The following ME3 variants were observed in gnomAD, a reference collection of about 807,000 sequenced individuals.
ME3 encodes malic enzyme 3.
A neutral mutation model predicts 68.9 loss-of-function variants in ME3; 48 were observed. The observed-to-expected ratio is 0.70, with a 90% CI of 0.55 to 0.89. ME3 has a LOEUF of 0.89. Ranked by LOEUF, ME3 falls within the 40% of genes least tolerant of loss-of-function variation. ME3 has a pLI of 0.00. For synonymous variants in ME3, 320 were observed against 318.8 expected (o/e 1.00, Z -0.04); for missense variants, 675 against 797.4 (o/e 0.85, Z 1.85).
At chr11:86,667,623 T>C (rs1406216222) in intron 2 of ME3, 3 of 152,190 alleles carry the variant, frequency 2.0e-5, no homozygotes, top group Non-Finnish European at 4.4e-5. Flanking sequence ...TGGTCTAGTG[T>C]GGAAGGCAAA....
chr11:86,584,953 C>T (rs1958646401), intron 2 of ME3, among the ~76,000 whole-genome samples: 1 of 152,040 alleles, frequency 6.6e-6, no homozygotes, highest in Non-Finnish European at 1.5e-5. Flanking sequence ...AATGTTCTCA[C>T]CACAGTGAAA....
chr11:86,628,432 C>A (rs927715790), intron 2 of ME3, among the ~76,000 whole-genome samples: 2 of 152,210 alleles, frequency 1.3e-5, no homozygotes, highest in Non-Finnish European at 2.9e-5. Flanking sequence ...GCTGCATATT[C>A]GTGTTACTTG....
intron 7 of ME3, among the ~76,000 whole-genome samples, chr11:86,485,713 T>C (rs78507424): frequency 0.024 from 3,673 of 152,226 alleles, 89 homozygotes; most frequent in African/African-American, 0.066. Flanking sequence ...CTAGAGCTCA[T>C]GATACAATTA....
intron 5 of ME3, among the ~76,000 whole-genome samples, chr11:86,504,407 T>TA (rs1491166256): frequency 8.0e-6 from 1 of 125,524 alleles, no homozygotes; most frequent in African/African-American, 3.2e-5. Context: ...TTTTTTTTTT[T>TA]GAGACAGAGT....
intron 7 of ME3, among the ~76,000 whole-genome samples, chr11:86,486,657 G>T (rs963324416): frequency 6.6e-6 from 1 of 152,248 alleles, no homozygotes; most frequent in Non-Finnish European, 1.5e-5. Context: ...CCACTGAGCT[G>T]CTGAAACTCT....
intron 7 of ME3, among the ~76,000 whole-genome samples, chr11:86,469,493 C>T (rs550620224): frequency 6.6e-6 from 1 of 152,268 alleles, no homozygotes; most frequent in South Asian, 2.1e-4. Context: ...CTCTCAGCTC[C>T]CTACTCAGGG....
At chr11:86,586,663 C>A (rs1465544185) in intron 2 of ME3, among the ~76,000 whole-genome samples, 1 of 152,026 alleles carries the variant, frequency 6.6e-6, no homozygotes, top group Admixed American at 6.6e-5. Flanking sequence ...TCTAAATGGC[C>A]CAACTCTTCA....
At chr11:86,592,963 C>A (rs545461440) in intron 2 of ME3, among the ~76,000 whole-genome samples, 101 of 152,274 alleles carry the variant, frequency 6.6e-4, no homozygotes, top group African/African-American at 2.4e-3. Context: ...AGTTATTTAA[C>A]CTTCCATAGG....
chr11:86,580,755 A>G (rs1472010832), intron 2 of ME3, among the ~76,000 whole-genome samples: 1 of 152,192 alleles, frequency 6.6e-6, no homozygotes, highest in Non-Finnish European at 1.5e-5. Flanking sequence ...TGCCATCCAT[A>G]CTGGCCACTG....
chr11:86,558,672 G>A (rs1957050179), intron 3 of ME3, among the ~76,000 whole-genome samples: 1 of 152,172 alleles, frequency 6.6e-6, no homozygotes, highest in Admixed American at 6.5e-5. Flanking sequence ...TTTGTTCTAA[G>A]AGGGGGATTC....
intron 2 of ME3, among the ~76,000 whole-genome samples, chr11:86,566,378 C>T (rs888811315): frequency 6.6e-6 from 1 of 152,166 alleles, no homozygotes; most frequent in African/African-American, 2.4e-5. Flanking sequence ...CCCAGATTTC[C>T]TTGGGGAAAG....
chr11:86,608,004 C>T (rs1329685007), intron 2 of ME3, among the ~76,000 whole-genome samples: 1 of 152,088 alleles, frequency 6.6e-6, no homozygotes, highest in African/African-American at 2.4e-5. Context: ...TGCTTGGCAC[C>T]AGGCTACTGT....
At chr11:86,468,693 T>G (rs999003684) in intron 7 of ME3, among the ~76,000 whole-genome samples, 1 of 152,236 alleles carries the variant, frequency 6.6e-6, no homozygotes, top group African/African-American at 2.4e-5. Flanking sequence ...AATTCATCCC[T>G]GTACATCCAA....
At chr11:86,659,188 C>T (rs1239426812) in intron 2 of ME3, among the ~76,000 whole-genome samples, 2 of 152,226 alleles carry the variant, frequency 1.3e-5, no homozygotes, top group Non-Finnish European at 2.9e-5. Context: ...CAGGAGCTAC[C>T]TCAACAGATG....
chr11:86,635,278 T>C (rs1944263203), intron 2 of ME3, among the ~76,000 whole-genome samples: 1 of 152,126 alleles, frequency 6.6e-6, no homozygotes, highest in Non-Finnish European at 1.5e-5. Flanking sequence ...CATCAAAGCT[T>C]TCTCTCTCCA....
At chr11:86,488,094 C>T (rs910532386) in intron 6 of ME3, among the ~76,000 whole-genome samples, 5 of 152,120 alleles carry the variant, frequency 3.3e-5, no homozygotes, top group Non-Finnish European at 7.3e-5. Context: ...GCAGGAGGCT[C>T]ACTTGACCTT....
At chr11:86,661,928 G>A (rs1209332452) in intron 2 of ME3, among the ~76,000 whole-genome samples, 2 of 152,050 alleles carry the variant, frequency 1.3e-5, no homozygotes, top group Admixed American at 6.6e-5. Flanking sequence ...CAGGAACTCA[G>A]AAAATGACTA....
At chr11:86,498,182 A>C in intron 5 of ME3, 58 bp from the exon 6 acceptor site, 15 of 1,547,324 alleles carry the variant, frequency 9.7e-6, no homozygotes, top group East Asian at 2.3e-5. Flanking sequence ...CAGGGTGCTC[A>C]TTTTAGCAGC....
At chr11:86,666,474 A>G (rs1431295087) in intron 2 of ME3, among the ~76,000 whole-genome samples, 3 of 152,232 alleles carry the variant, frequency 2.0e-5, no homozygotes. Flanking sequence ...CATTGTTGTC[A>G]TTGCCTAACC....
Sources: allele counts gnomAD v4.1 joint callset (sites outside exome capture counted in the v4.1 genomes callset), GRCh38; gene constraint gnomAD v4.1.1; transcripts MANE v1.5; gene names NCBI Gene and HGNC (gene_info 2026-07-23, HGNC 2026-07-21).